The following PALS1 variants were observed in gnomAD, a reference collection of about 807,000 sequenced individuals.
PALS1 encodes protein PALS1.
In PALS1, 31 loss-of-function variants were observed where a neutral mutation model predicts 78.9. That is an observed-to-expected ratio of 0.39 (90% CI 0.30 to 0.53). The LOEUF (loss-of-function observed/expected upper bound fraction) is 0.53. Ranked by LOEUF, PALS1 falls within the 20% of genes least tolerant of loss-of-function variation. The probability of loss-of-function intolerance (pLI) is 0.67; values close to 1 mark genes in which losing one functional copy is unlikely to be tolerated. For missense variants in PALS1, 704 were observed against 826.5 expected, an observed-to-expected ratio of 0.85 and a Z score of 1.82; for synonymous variants, 276 against 270.9, an observed-to-expected ratio of 1.02 and a Z score of -0.18.
At chr14:67,264,600 T>C (rs575855262) in intron 1 of PALS1, among the ~76,000 whole-genome samples, 1 of 152,312 alleles carries the variant, frequency 6.6e-6, no homozygotes, top group Non-Finnish European at 1.5e-5. Context: ...CATGTAGATA[T>C]CCAGTGTGGA....
chr14:67,320,457 C>T (rs1272288466), intron 12 of PALS1, 60 bp downstream of exon 12: 1 of 1,443,804 alleles, frequency 6.9e-7, no homozygotes, highest in Non-Finnish European at 9.2e-7. Context: ...CAGAACCTAA[C>T]TATATCATGT....
chr14:67,245,375 A>G (rs1476713663), intron 1 of PALS1, among the ~76,000 whole-genome samples: 1 of 151,884 alleles, frequency 6.6e-6, no homozygotes, highest in African/African-American at 2.4e-5. Flanking sequence ...TTTTCTTTGC[A>G]TTTCCCCCAT....
chr14:67,247,455 T>C (rs2140420018), intron 1 of PALS1, among the ~76,000 whole-genome samples: 1 of 152,340 alleles, frequency 6.6e-6, no homozygotes, highest in Non-Finnish European at 1.5e-5. Flanking sequence ...ACAGTCGTGC[T>C]CAAAACTTTT....
intron 4 of PALS1, chr14:67,294,504 G>A (rs2084816189): frequency 6.6e-6 from 1 of 151,738 alleles, no homozygotes. Flanking sequence ...AAGAAATTTA[G>A]TGAAACATTC....
At chr14:67,247,284 G>A (rs2084002237) in intron 1 of PALS1, among the ~76,000 whole-genome samples, 1 of 152,036 alleles carries the variant, frequency 6.6e-6, no homozygotes, top group African/African-American at 2.4e-5. Context: ...TGGTCCTATT[G>A]TAAATGGTAA....
rs200333349 is a variant in PALS1 at position 67,312,599 on chromosome 14, T to A, written c.1114T>A (p.Ser372Thr). The change falls in exon 9 of 15, where the codon TCT becomes ACT. Residue 372 changes from serine (S) to threonine (T), a missense_variant. Physicochemically the swap from Ser to Thr is moderately conservative, Grantham distance 58. Transcript: ENST00000261681. ...TGTTCCATGTCGAGAGTTAGGTCTG[T>A]CTTTTCAAAAAGGTGATATACTTCA... ...PYVPCRELGL[S>T]FQKGDILHVI... 1 of 1,613,902 alleles carries A rather than the reference T, an allele frequency of 6.2e-7. No homozygotes were observed. The highest frequency in any genetic ancestry group is 1.3e-5 in the African/African-American group (1 of 75,052).
In PALS1 at chr14:67,268,368, G is replaced by C. The variant is rs757211272; in HGVS notation, c.-236-1333G>C. Among the ~76,000 whole-genome samples the C allele has an allele frequency of 1.0e-3, 153 of 152,308 alleles. 1 individual carries two copies. The highest frequency in any genetic ancestry group is 1.9e-3 in the Non-Finnish European group (131 of 68,026). On this transcript the variant is annotated intron_variant, in intron 1 of 14. Coordinates refer to ENST00000261681, the MANE Select transcript of PALS1 (RefSeq NM_022474.4). The stretch of plus-strand genomic sequence containing the variant: ...GGGGTCCCGATCCAGATCCCAGAGA[G>C]GGTTCTTGGATCTTGCATGAGAAAG...
intron 1 of PALS1, among the ~76,000 whole-genome samples, chr14:67,263,590 A>T (rs917776629): frequency 6.6e-6 from 1 of 152,160 alleles, no homozygotes; most frequent in Non-Finnish European, 1.5e-5. Context: ...AATAATGGCA[A>T]CAGTTAAATG....
chr14:67,285,042 C>T (rs1286058885), intron 3 of PALS1, among the ~76,000 whole-genome samples: 1 of 152,084 alleles, frequency 6.6e-6, no homozygotes, highest in Non-Finnish European at 1.5e-5. Context: ...TGAGCCACCA[C>T]AATTTTAATT....
At chr14:67,328,413 T>G (rs2085393317) in intron 14 of PALS1, among the ~76,000 whole-genome samples, 3 of 152,216 alleles carry the variant, frequency 2.0e-5, no homozygotes, top group Admixed American at 6.5e-5. Context: ...TGGTAAAAAT[T>G]TTCTCCCATT....
rs201923149 is a variant in PALS1 at position 67,286,855 on chromosome 14, C to CAA, written c.368-5638_368-5637dup. On this transcript the variant is annotated intron_variant, in intron 3 of 14. Transcript: ENST00000261681. ...GTGGTGACAGAGTGAGACCTGGTCTCAAAAAAAAAAAAAAAAAAAGAAAAA... is the reference window on the plus strand; with the variant it reads ...GTGGTGACAGAGTGAGACCTGGTCTCAAAAAAAAAAAAAAAAAAAAAGAAAAA... Among the ~76,000 whole-genome samples the CAA allele has an allele frequency of 8.8e-3, 590 of 67,022 alleles. 11 individuals are homozygous for CAA. Among genetic ancestry groups the CAA allele is most frequent in the African/African-American group, 0.023 (477 of 20,752 alleles). 44.0% of individuals were successfully genotyped at this position (67,022 alleles called of 152,430 possible). A position where few individuals can be genotyped will look rare whatever the true frequency, so the allele number is the denominator to read the frequency against.
chr14:67,268,358 A>T lies in PALS1; in HGVS notation c.-236-1343A>T, dbSNP rs1013824154. ...TTACCCGAAGGGGGTCCCGATCCAG[A>T]TCCCAGAGAGGGTTCTTGGATCTTG... On this transcript the variant is annotated intron_variant, in intron 1 of 14. Coordinates refer to ENST00000261681, the MANE Select transcript of PALS1 (RefSeq NM_022474.4). Among the ~76,000 whole-genome samples, 5 of 152,352 alleles carry T rather than the reference A, an allele frequency of 3.3e-5. No individual in the cohort carries two copies. In the South Asian group the frequency reaches 1.0e-3, roughly 32 times the overall value.
chr14:67,254,486 A>G (rs2084115911), intron 1 of PALS1, among the ~76,000 whole-genome samples: 1 of 152,136 alleles, frequency 6.6e-6, no homozygotes, highest in Admixed American at 6.5e-5. Flanking sequence ...TACTACCATA[A>G]TAAAAGTTAA....
intron 3 of PALS1, among the ~76,000 whole-genome samples, chr14:67,281,940 T>G (rs1192632503): frequency 6.6e-6 from 1 of 152,180 alleles, no homozygotes; most frequent in Non-Finnish European, 1.5e-5. Context: ...CTATGTGTGG[T>G]CCTTGAATTT....
At chr14:67,257,362 C>T (rs970467142) in intron 1 of PALS1, among the ~76,000 whole-genome samples, 13 of 152,112 alleles carry the variant, frequency 8.5e-5, no homozygotes, top group Admixed American at 2.0e-4. Context: ...AGGTATGTAG[C>T]TTTTTATCCT....
chr14:67,313,119 C>CA (rs1184189251), intron 9 of PALS1, among the ~76,000 whole-genome samples: 17 of 151,986 alleles, frequency 1.1e-4, no homozygotes, highest in Admixed American at 6.6e-5. Flanking sequence ...TTTATTGTAC[C>CA]AAACGTGATC....
chr14:67,254,148 TATCTG>T (rs2084107847), intron 1 of PALS1: 1 of 150,898 alleles, frequency 6.6e-6, no homozygotes, highest in African/African-American at 2.4e-5. Flanking sequence ...TTTGTTTACT[TATCTG>T]ATATCTATAC....
chr14:67,301,617 G>T, intron 5 of PALS1, 151 bp downstream of exon 5: 2 of 498,180 alleles, frequency 4.0e-6, no homozygotes, highest in East Asian at 3.3e-5. Flanking sequence ...GTTATTGTTG[G>T]ATTATATATT....
At position 67,330,151 on chromosome 14, in the gene PALS1, A is replaced by G. The variant is rs370297993; in HGVS notation, c.1852-2629A>G. Among the ~76,000 whole-genome samples the G allele has an allele frequency of 3.8e-4, 39 of 101,972 alleles. No individual in the cohort carries two copies. In the East Asian group the frequency reaches 0.021, roughly 55 times the overall value. The allele number at this position is 101,972 out of a possible 152,430, so 66.9% of individuals were successfully genotyped here. On this transcript the variant is annotated intron_variant, in intron 14 of 14. Transcript: ENST00000261681. ...GAACCAGGAAATAAATAATAATAAT[A>G]ATAATTATTATTATTATTATCAAAA...
Sources: allele counts gnomAD v4.1 joint callset (sites outside exome capture counted in the v4.1 genomes callset), GRCh38; gene constraint gnomAD v4.1.1; transcripts MANE v1.5; gene names NCBI Gene and HGNC (gene_info 2026-07-23, HGNC 2026-07-21).